AGXT2: variants seen among roughly 807,000 people sequenced by gnomAD.
AGXT2 encodes alanine--glyoxylate aminotransferase 2.
In AGXT2, 61 loss-of-function variants were observed where a neutral mutation model predicts 62.5. The observed-to-expected ratio is 0.98, with a 90% CI of 0.79 to 1.21. AGXT2 has a LOEUF of 1.21. Among genes scored for constraint, AGXT2 ranks in the 50% most tolerant of loss-of-function variants. The pLI, the probability that AGXT2 is intolerant of heterozygous loss-of-function variation, is 0.00. For missense variants in AGXT2, 666 were observed against 641.5 expected (o/e 1.04, Z -0.41); for synonymous variants, 243 against 218.7 (o/e 1.11, Z -0.98).
At chr5:35,045,579 C>T (rs746691875) in intron 1 of AGXT2, among the ~76,000 whole-genome samples, 6 of 152,010 alleles carry the variant, frequency 3.9e-5, no homozygotes, top group Non-Finnish European at 8.8e-5. Flanking sequence ...GTATATATTG[C>T]ACATGGCAGG....
chr5:35,026,221 T>C (rs1767341068), intron 8 of AGXT2, 189 bp downstream of exon 8: 2 of 639,184 alleles, frequency 3.1e-6, no homozygotes, highest in South Asian at 2.0e-5. Flanking sequence ...CTGGTGAGAA[T>C]GGAGGAGAGG....
intron 12 of AGXT2, among the ~76,000 whole-genome samples, chr5:35,004,546 C>A (rs1052571445): frequency 2.0e-5 from 3 of 152,186 alleles, no homozygotes. Flanking sequence ...CCCTGTCTTC[C>A]CAGTCTGTGA....
rs368924371 is a variant in AGXT2, at chr5:34,998,307, C to T, written c.*412G>A. On this transcript the variant is annotated 3_prime_UTR_variant, in exon 14 of 14. Transcript: ENST00000231420. ...CGTCATGAACATATGGTGTTCTCAG[C>T]GCAACAAGAAGACATCTCTTCTTGA... is the stretch of plus-strand genomic sequence containing the variant. 3.9e-5 allele frequency: 10 copies of T among 255,596 alleles called. No homozygotes were observed. The highest frequency in any genetic ancestry group is 1.1e-4 in the South Asian group (2 of 19,032). The allele number at this position is 255,596 out of a possible 1,614,324, so 15.8% of individuals were successfully genotyped here.
In AGXT2 at chr5:34,998,581, T is replaced by C; in HGVS notation, c.*138A>G. 1 of 706,758 alleles carries C rather than the reference T, an allele frequency of 1.4e-6. No individual in the cohort carries two copies. Among genetic ancestry groups the C allele is most frequent in the Admixed American group, 2.2e-5 (1 of 44,710 alleles). The allele number at this position is 706,758 out of a possible 1,614,324, so 43.8% of individuals were successfully genotyped here. ...GCTAACAAATATGGTTGGTAGGCAG[T>C]CAACCATGACTTTTACAGCTCCTGT... On this transcript the variant is annotated 3_prime_UTR_variant, in exon 14 of 14. Coordinates refer to ENST00000231420, the MANE Select transcript of AGXT2 (RefSeq NM_031900.4).
Position 35,039,349 on chromosome 5 carries a change from T to C in AGXT2, c.337A>G (p.Thr113Ala). 1 of 1,614,116 alleles carries C rather than the reference T, an allele frequency of 6.2e-7. No homozygotes were observed. Among genetic ancestry groups the C allele is most frequent in the East Asian group, 2.2e-5 (1 of 44,884 alleles). The change falls in exon 3 of 14, where the codon ACT (threonine) becomes GCT (alanine). Residue 113 changes from threonine (T) to alanine (A), a missense_variant. Physicochemically the swap from Thr to Ala is moderately conservative, Grantham distance 58. Transcript: ENST00000231420. ...RYLDFFSGIV[T>A]VSVGHCHPKV... ...GGGTGGCAATGGCCAACACTGACAG[T>C]AACAATCCCGGAAAAGAAATCCAGG...
At chr5:35,026,018 T>C in intron 8 of AGXT2, 163 bp from the exon 9 acceptor site, 1 of 695,262 alleles carries the variant, frequency 1.4e-6, no homozygotes. Flanking sequence ...AGAGGACTTA[T>C]TACTCTATAC....
chr5:35,005,546 G>A (rs1580569447), intron 12 of AGXT2, among the ~76,000 whole-genome samples: 1 of 152,014 alleles, frequency 6.6e-6, no homozygotes. Flanking sequence ...TTTTGAATGG[G>A]TGGAGTCTGT....
intron 7 of AGXT2, among the ~76,000 whole-genome samples, chr5:35,031,441 T>C (rs994476510): frequency 1.3e-5 from 2 of 152,220 alleles, no homozygotes; most frequent in African/African-American, 4.8e-5. Flanking sequence ...TTAAGACTTC[T>C]GTTTTGTATT....
At chr5:35,026,900 A>C (rs1285261484) in intron 7 of AGXT2, 2 of 985,188 alleles carry the variant, frequency 2.0e-6, no homozygotes, top group Non-Finnish European at 2.4e-6. Flanking sequence ...TTATTTGAAA[A>C]TAACTCTATT....
intron 4 of AGXT2, among the ~76,000 whole-genome samples, chr5:35,036,708 T>C (rs10060650): frequency 0.19 from 29,143 of 151,982 alleles, 2,910 homozygotes; most frequent in Middle Eastern, 0.29. Flanking sequence ...CAAGGGAACA[T>C]TGGTTTGTTT....
rs1159123632 is a variant in AGXT2, at chr5:35,014,020, C to A, written c.1063G>T (p.Gly355Cys). Residue 355 changes from glycine to cysteine, a missense_variant, in exon 10 of 14, where the codon GGC (glycine) becomes TGC (cysteine). Gly to Cys is a radical substitution (Grantham distance 159). Coordinates refer to ENST00000231420, the MANE Select transcript of AGXT2 (RefSeq NM_031900.4). ...IVTMAKGIGN[G>C]FPMAAVITTP... The stretch of plus-strand genomic sequence containing the variant: ...GTTATGACTGCTGCCATGGGAAAGC[C>A]ATTCCCAATCCCTTTAGCCATGGTG... 6.2e-7 allele frequency: 1 copy of A among 1,614,134 alleles called. No individual in the cohort carries two copies. The highest frequency in any genetic ancestry group is 2.2e-5 in the East Asian group (1 of 44,872).
intron 13 of AGXT2, among the ~76,000 whole-genome samples, chr5:34,999,799 C>G (rs989644817): frequency 1.1e-4 from 17 of 152,180 alleles, no homozygotes; most frequent in African/African-American, 4.1e-4. Context: ...TTTTTATAAA[C>G]TTTCCTAAAG....
intron 10 of AGXT2, 142 bp from the exon 11 acceptor site, chr5:35,013,187 T>C: frequency 5.1e-6 from 4 of 783,752 alleles, no homozygotes; most frequent in Non-Finnish European, 8.9e-6. Context: ...TAGTAGATGT[T>C]AGGGACTGAA....
intron 7 of AGXT2, among the ~76,000 whole-genome samples, chr5:35,032,352 C>T (rs1323958897): frequency 6.6e-6 from 1 of 152,102 alleles, no homozygotes; most frequent in African/African-American, 2.4e-5. Context: ...CTCAGCCTCC[C>T]GAGTAACTGG....
chr5:35,027,773 C>A (rs2112248609), intron 7 of AGXT2, among the ~76,000 whole-genome samples: 1 of 150,786 alleles, frequency 6.6e-6, no homozygotes, highest in Non-Finnish European at 1.5e-5. Context: ...GTGCGTAGGG[C>A]ATTAGAGTCT....
rs1263472735 is a variant in AGXT2, at chr5:35,013,135, T to C, written c.1097-90A>G. 3.5e-6 allele frequency: 4 copies of C among 1,132,956 alleles called. No individual in the cohort carries two copies. The East Asian group carries it at 1.0e-4, about 29-fold the overall frequency. The allele number at this position is 1,132,956 out of a possible 1,614,324, so 70.2% of individuals were successfully genotyped here. ...CCATTTGGACTACAGTTACTTCGTG[T>C]TGTAAATGGCATCCAATCCAATTCA... is the stretch of plus-strand genomic sequence containing the variant. On this transcript the variant is annotated intron_variant, in intron 10 of 13. Transcript: ENST00000231420.
intron 9 of AGXT2, among the ~76,000 whole-genome samples, chr5:35,019,726 A>C (rs1235447663): frequency 6.6e-6 from 1 of 151,364 alleles, no homozygotes; most frequent in African/African-American, 2.4e-5. Flanking sequence ...ACTAAAATCA[A>C]CAGAACTGAA....
intron 3 of AGXT2, 109 bp from the exon 4 acceptor site, chr5:35,037,174 G>A: frequency 2.6e-6 from 4 of 1,519,994 alleles, no homozygotes; most frequent in Non-Finnish European, 2.7e-6. Context: ...AGTTTCAAGA[G>A]GCAGATTTTA....
chr5:35,036,847 C>T (rs1459539980), intron 4 of AGXT2, 95 bp downstream of exon 4: 2 of 1,588,466 alleles, frequency 1.3e-6, no homozygotes, highest in Non-Finnish European at 8.6e-7. Flanking sequence ...GGGACGCTCC[C>T]CTAGAATCAT....
Sources: allele counts gnomAD v4.1 joint callset (sites outside exome capture counted in the v4.1 genomes callset), GRCh38; gene constraint gnomAD v4.1.1; transcripts MANE v1.5; gene names NCBI Gene and HGNC (gene_info 2026-07-23, HGNC 2026-07-21).